Variants in KIAA1217 observed in about 807,000 individuals in gnomAD.
The protein encoded by KIAA1217 is sickle tail protein homolog.
KIAA1217 carries 88 observed loss-of-function variants against 163.9 expected under a neutral mutation model. That is an observed-to-expected ratio of 0.54 (90% CI 0.45 to 0.64). The LOEUF (loss-of-function observed/expected upper bound fraction) is 0.64. Ranked by LOEUF, KIAA1217 falls within the 30% of genes least tolerant of loss-of-function variation. The probability of loss-of-function intolerance (pLI) is 0.00; values close to 1 mark genes in which losing one functional copy is unlikely to be tolerated. For missense variants in KIAA1217, 2,372 were observed against 2,475.0 expected (o/e 0.96, Z 0.88); for synonymous variants, 903 against 923.1 (o/e 0.98, Z 0.39).
chr10:24,176,681 C>G (rs900094641), intron 2 of KIAA1217, among the ~76,000 whole-genome samples: 1 of 152,258 alleles, frequency 6.6e-6, no homozygotes, highest in African/African-American at 2.4e-5. Flanking sequence ...GGGTCCTACA[C>G]CAGAGCCGCG....
chr10:24,320,920 G>A (rs555639117), intron 2 of KIAA1217, among the ~76,000 whole-genome samples: 45 of 152,148 alleles, frequency 3.0e-4, no homozygotes, highest in African/African-American at 9.6e-4. Context: ...GGTGGCAGGT[G>A]CCTGTAGTCC....
intron 2 of KIAA1217, among the ~76,000 whole-genome samples, chr10:24,267,794 G>C (rs1177600049): frequency 6.6e-6 from 1 of 152,242 alleles, no homozygotes; most frequent in Non-Finnish European, 1.5e-5. Flanking sequence ...CCTAGGCATA[G>C]TACTTGGTAT....
chr10:24,371,055 G>C lies in KIAA1217; in HGVS notation c.355-9814G>C, dbSNP rs193167239. On this transcript the variant is annotated intron_variant, in intron 2 of 20. Coordinates refer to ENST00000376454, the MANE Select transcript of KIAA1217 (RefSeq NM_019590.5). ...AGGATGCTAAATGGAGATCATAGTT[G>C]AGCTAGGCTTTATTTTCTTTAAATA... 3.3e-5 allele frequency among the ~76,000 whole-genome samples: 5 copies of C among 152,334 alleles called. No homozygotes were observed. The East Asian group carries it at 9.7e-4, about 29-fold the overall frequency.
chr10:23,764,836 T>C (rs993970912), intron 1 of KIAA1217, among the ~76,000 whole-genome samples: 8 of 152,054 alleles, frequency 5.3e-5, no homozygotes, highest in Non-Finnish European at 1.2e-4. Context: ...GATGGGTCAA[T>C]AGGTGCAGCA....
intron 17 of KIAA1217, among the ~76,000 whole-genome samples, chr10:24,539,372 G>A (rs910796438): frequency 2.6e-5 from 4 of 152,046 alleles, no homozygotes; most frequent in Non-Finnish European, 5.9e-5. Flanking sequence ...GGGACTACAG[G>A]CGTGCACCAC....
At chr10:24,394,443 G>A (rs1196391800) in intron 3 of KIAA1217, among the ~76,000 whole-genome samples, 3 of 143,604 alleles carry the variant, frequency 2.1e-5, no homozygotes, top group Non-Finnish European at 4.5e-5. Flanking sequence ...CCCACTCTCG[G>A]GTTTTGTTTT....
chr10:24,515,259 C>G (rs7898167), intron 10 of KIAA1217, among the ~76,000 whole-genome samples: 83,262 of 151,500 alleles, frequency 0.55, 24,452 homozygotes, highest in African/African-American at 0.77. Context: ...GTAAAGACGG[C>G]GTTTCACCAT....
intron 1 of KIAA1217, among the ~76,000 whole-genome samples, chr10:23,891,754 A>G (rs1355214837): frequency 6.6e-6 from 1 of 151,894 alleles, no homozygotes; most frequent in Non-Finnish European, 1.5e-5. Context: ...TTTCAGAACT[A>G]TTTATTTTTT....
At chr10:23,792,338 G>C (rs1835988951) in intron 1 of KIAA1217, among the ~76,000 whole-genome samples, 1 of 152,154 alleles carries the variant, frequency 6.6e-6, no homozygotes, top group Non-Finnish European at 1.5e-5. Flanking sequence ...TGCAAAGTGA[G>C]GAATACATTG....
intron 2 of KIAA1217, among the ~76,000 whole-genome samples, chr10:24,177,532 A>T (rs971704507): frequency 1.3e-5 from 2 of 151,564 alleles, no homozygotes; most frequent in Non-Finnish European, 2.9e-5. Flanking sequence ...ATACCCAGTA[A>T]TGGGATTGCT....
chr10:23,767,488 C>A (rs955855110), intron 1 of KIAA1217, among the ~76,000 whole-genome samples: 4 of 152,068 alleles, frequency 2.6e-5, no homozygotes, highest in African/African-American at 7.2e-5. Flanking sequence ...GTAATCCCAG[C>A]ACTATGGGAG....
chr10:23,875,428 G>C (rs925960970), intron 1 of KIAA1217, among the ~76,000 whole-genome samples: 8 of 151,930 alleles, frequency 5.3e-5, no homozygotes, highest in African/African-American at 1.9e-4. Context: ...CAAGAAAAGA[G>C]TGGTTGGCCT....
intron 1 of KIAA1217, among the ~76,000 whole-genome samples, chr10:23,990,292 C>T (rs903547293): frequency 2.6e-5 from 4 of 152,168 alleles, no homozygotes; most frequent in South Asian, 2.1e-4. Flanking sequence ...GCTGCACACA[C>T]GTTAAGGGAT....
intron 2 of KIAA1217, among the ~76,000 whole-genome samples, chr10:24,245,992 C>T (rs1395722925): frequency 6.6e-6 from 1 of 152,092 alleles, no homozygotes; most frequent in African/African-American, 2.4e-5. Context: ...TGCAGATAAT[C>T]GTTTGGCCTG....
chr10:23,757,769 C>T (rs1252864703), intron 1 of KIAA1217, among the ~76,000 whole-genome samples: 2 of 152,146 alleles, frequency 1.3e-5, no homozygotes, highest in African/African-American at 2.4e-5. Context: ...GCACCTTCCT[C>T]GGCTTCCCAA....
chr10:23,915,206 A>G (rs1420800092), intron 1 of KIAA1217, among the ~76,000 whole-genome samples: 1 of 152,196 alleles, frequency 6.6e-6, no homozygotes, highest in African/African-American at 2.4e-5. Flanking sequence ...GGTCAATGCT[A>G]CAAAGAGGTC....
intron 1 of KIAA1217, among the ~76,000 whole-genome samples, chr10:23,941,036 A>G (rs1242471107): frequency 1.3e-5 from 2 of 152,218 alleles, no homozygotes; most frequent in African/African-American, 4.8e-5. Context: ...AGGCGCCTGC[A>G]GAGAAAAGTG....
chr10:24,413,945 A>G (rs2058026781), intron 3 of KIAA1217, among the ~76,000 whole-genome samples: 1 of 152,204 alleles, frequency 6.6e-6, no homozygotes, highest in Admixed American at 6.5e-5. Flanking sequence ...AATAGAAGCT[A>G]TGATCTCTGA....
chr10:24,336,217 G>T (rs111252652), intron 2 of KIAA1217, among the ~76,000 whole-genome samples: 3,064 of 152,220 alleles, frequency 0.02, 99 homozygotes, highest in African/African-American at 0.07. Context: ...ACTCCAGCCT[G>T]GGCAACAAGA....
Sources: allele counts gnomAD v4.1 joint callset (sites outside exome capture counted in the v4.1 genomes callset), GRCh38; gene constraint gnomAD v4.1.1; transcripts MANE v1.5; gene names NCBI Gene and HGNC (gene_info 2026-07-23, HGNC 2026-07-21).